Variants in ZFP64 observed in about 807,000 individuals in gnomAD.
ZFP64 encodes the protein ZFP64 zinc finger protein.
ZFP64 carries 14 observed loss-of-function variants against 51.6 expected under a neutral mutation model. The observed-to-expected ratio is 0.27, with a 90% CI of 0.18 to 0.42. The LOEUF (loss-of-function observed/expected upper bound fraction) is 0.42, where lower values mean the gene tolerates loss of function less well. Ranked by LOEUF, ZFP64 falls within the 10% of genes least tolerant of loss-of-function variation. The probability of loss-of-function intolerance (pLI) is 1.00; values close to 1 mark genes in which losing one functional copy is unlikely to be tolerated. For missense variants in ZFP64, 754 were observed against 906.8 expected (o/e 0.83, Z 2.16); for synonymous variants, 375 against 361.4 (o/e 1.04, Z -0.43).
intron 5 of ZFP64, chr20:52,111,168 T>C: frequency 1.5e-6 from 1 of 651,930 alleles, no homozygotes; most frequent in Non-Finnish European, 2.8e-6. Flanking sequence ...GGGGAAGCCG[T>C]AGTGGAGAAC....
At chr20:52,175,112 T>C (rs1983077500) in intron 2 of ZFP64, among the ~76,000 whole-genome samples, 1 of 152,172 alleles carries the variant, frequency 6.6e-6, no homozygotes, top group Non-Finnish European at 1.5e-5. Context: ...TTAAGGATAC[T>C]ATCTTTTGTT....
chr20:52,085,261 T>C lies in ZFP64; in HGVS notation c.1234A>G (p.Thr412Ala). The C allele has an allele frequency of 6.2e-7, 1 of 1,610,226 alleles. No individual in the cohort carries two copies. The highest frequency in any genetic ancestry group is 8.5e-7 in the Non-Finnish European group (1 of 1,177,626). The change falls in exon 9 of 9, where the codon ACC becomes GCC. Residue 412 changes from threonine (T) to alanine (A), a missense_variant. Coordinates refer to the ZFP64 transcript ENST00000361387. The surrounding 1 kb of genome is among the most constrained non-coding windows in gnomAD (Gnocchi z 4.3). ...CTACAGAGCCAGCACTGGAAGGGGG[T>C]ATCCCCTAGCAATGGAAGGTGTGTT...
chr20:52,128,353 C>T (rs900229933), intron 5 of ZFP64, among the ~76,000 whole-genome samples: 1 of 152,156 alleles, frequency 6.6e-6, no homozygotes, highest in African/African-American at 2.4e-5. Context: ...GGCTTTGCCC[C>T]ATTATGGTGG....
chr20:52,160,068 G>T lies in ZFP64; in HGVS notation c.763+55C>A. 1 of 1,612,124 alleles carries T rather than the reference G, an allele frequency of 6.2e-7. No homozygotes were observed. The highest frequency in any genetic ancestry group is 1.1e-5 in the South Asian group (1 of 90,892). On this transcript the variant is annotated intron_variant, in intron 5 of 5. Coordinates refer to ENST00000216923, the MANE Select transcript of ZFP64 (RefSeq NM_018197.3). This position sits in a 1 kb window ranked among gnomAD's most constrained non-coding sequence, Gnocchi z 4.2. ...TGGCTGAATGCTTTAAGGTGCTTAT[G>T]ATTTATGCCATAGAAAGTGAGGAGC... is the stretch of plus-strand genomic sequence containing the variant.
chr20:52,169,053 A>T (rs1982504046), intron 2 of ZFP64, among the ~76,000 whole-genome samples: 1 of 152,214 alleles, frequency 6.6e-6, no homozygotes. Flanking sequence ...AGGTTTGATC[A>T]TTCACTATGG....
At chr20:52,154,068 G>T (rs78524733) in intron 5 of ZFP64, among the ~76,000 whole-genome samples, 2 of 152,238 alleles carry the variant, frequency 1.3e-5, no homozygotes, top group East Asian at 3.9e-4. Flanking sequence ...TGAAAGATGA[G>T]CAAGGCAAGT....
chr20:52,131,746 G>T (rs1979732322), intron 5 of ZFP64, among the ~76,000 whole-genome samples: 1 of 152,124 alleles, frequency 6.6e-6, no homozygotes. Flanking sequence ...GCTAAAGAGA[G>T]AGTTAGGCCC....
intron 5 of ZFP64, chr20:52,105,042 C>A: frequency 7.3e-7 from 1 of 1,371,894 alleles, no homozygotes; most frequent in Non-Finnish European, 9.5e-7. Flanking sequence ...CTTTCAGGTC[C>A]CCTGCCCGGT....
At chr20:52,122,349 AC>A (rs1342647957) in intron 5 of ZFP64, among the ~76,000 whole-genome samples, 1 of 152,056 alleles carries the variant, frequency 6.6e-6, no homozygotes, top group East Asian at 1.9e-4. Flanking sequence ...TACTAAAAAT[AC>A]AAAAAATTAG....
chr20:52,117,756 C>A (rs1978955540), intron 5 of ZFP64: 7 of 434,756 alleles, frequency 1.6e-5, no homozygotes, highest in South Asian at 1.1e-4. Context: ...CTAGAAATGC[C>A]AAGCTATACC....
At chr20:52,189,393 CAA>C (rs11352168) in intron 1 of ZFP64, among the ~76,000 whole-genome samples, 83 of 129,426 alleles carry the variant, frequency 6.4e-4, no homozygotes, top group African/African-American at 1.3e-3. Context: ...GACTTCATCT[CAA>C]AAAAAAAAAA....
intron 5 of ZFP64, chr20:52,104,759 G>A (rs1263782718): frequency 9.2e-6 from 5 of 541,122 alleles, no homozygotes; most frequent in South Asian, 3.0e-5. Context: ...AAGGCAAGAA[G>A]CCACCTTCCA....
At chr20:52,114,547 G>T (rs1400140523) in intron 5 of ZFP64, among the ~76,000 whole-genome samples, 1 of 152,176 alleles carries the variant, frequency 6.6e-6, no homozygotes, top group Non-Finnish European at 1.5e-5. Context: ...AGTAAAGCCT[G>T]TTCCCACTGT....
rs189707567 is a variant in ZFP64 at position 52,155,225 on chromosome 20, G to A, written c.764-1797C>T. ...AGTGTAAAAGATATTTGCTCCATCT[G>A]CAGCAATCATTATGAAGAGATTTTT... On this transcript the variant is annotated intron_variant, in intron 5 of 5. Transcript: ENST00000216923. Among the ~76,000 whole-genome samples the A allele has an allele frequency of 1.4e-3, 218 of 152,298 alleles. 1 individual carries two copies. The highest frequency in any genetic ancestry group is 5.0e-3 in the African/African-American group (208 of 41,562).
At chr20:52,128,920 C>CTTT (rs11471868) in intron 5 of ZFP64, among the ~76,000 whole-genome samples, 15 of 151,648 alleles carry the variant, frequency 9.9e-5, no homozygotes, top group African/African-American at 1.5e-4. Context: ...TTTAAATTTT[C>CTTT]TTTCTTTTTC....
chr20:52,190,362 C>A (rs924447160), intron 1 of ZFP64, among the ~76,000 whole-genome samples: 5 of 152,116 alleles, frequency 3.3e-5, no homozygotes, highest in African/African-American at 1.2e-4. Flanking sequence ...ACGACATAGA[C>A]CTTCGTTAGA....
chr20:52,090,927 CAAAAAAAAA>C, intron 7 of ZFP64, among the ~76,000 whole-genome samples: 1 of 68,078 alleles, frequency 1.5e-5, no homozygotes, highest in East Asian at 5.1e-4. Flanking sequence ...CTGACTCTAC[CAAAAAAAAA>C]AAAAAAAAAA....
intron 2 of ZFP64, among the ~76,000 whole-genome samples, chr20:52,167,916 A>C (rs1040810088): frequency 2.6e-5 from 4 of 152,222 alleles, no homozygotes; most frequent in African/African-American, 9.6e-5. Context: ...CTTAAACACT[A>C]TATTTCTTTG....
intron 4 of ZFP64, among the ~76,000 whole-genome samples, chr20:52,161,091 C>T (rs1033184637): frequency 2.0e-5 from 3 of 152,104 alleles, no homozygotes; most frequent in African/African-American, 4.8e-5. Flanking sequence ...AACTTAAGTG[C>T]CTGGCTGGTC....
Sources: gnomAD v4.1 joint callset for allele counts (sites outside exome capture counted in the v4.1 genomes callset) on GRCh38, gnomAD v4.1.1 for gene constraint, Gnocchi (gnomAD v3.1) non-coding constraint, MANE v1.5 for transcripts, NCBI Gene and HGNC (gene_info 2026-07-23, HGNC 2026-07-21) for gene names.